Variants in CCAR1 observed in about 807,000 individuals in gnomAD.
CCAR1 encodes the protein cell division cycle and apoptosis regulator protein 1.
CCAR1 carries 78 observed loss-of-function variants against 163.8 expected under a neutral mutation model. The ratio of observed to expected loss-of-function variants is 0.48; its 90% CI spans 0.40 to 0.57. CCAR1 has a LOEUF of 0.57. Ranked by LOEUF, CCAR1 falls within the 20% of genes least tolerant of loss-of-function variation. The pLI is 0.00. For synonymous variants in CCAR1, 443 were observed against 460.7 expected (o/e 0.96, Z 0.49); for missense variants, 1,019 against 1,365.2 (o/e 0.75, Z 4.00).
Position 68,755,466 on chromosome 10 carries a change from G to C in CCAR1, c.1555G>C (p.Val519Leu), listed in dbSNP as rs1439044945. 1 of 1,614,184 alleles carries C rather than the reference G, an allele frequency of 6.2e-7. No homozygotes were observed. The highest frequency in any genetic ancestry group is 8.5e-7 in the Non-Finnish European group (1 of 1,179,988). The change falls in exon 13 of 25, where the codon GTG becomes CTG. Residue 519 changes from valine (V) to leucine (L), a missense_variant. Coordinates refer to ENST00000265872, the MANE Select transcript of CCAR1 (RefSeq NM_018237.4). ...DGPDPEKDPSVLIKTAIRCCK... is the reference protein window; with the variant it reads ...DGPDPEKDPSLLIKTAIRCCK... ...ACCAGACCCAGAAAAAGATCCCTCT[G>C]TGTTGATTAAGACTGCTATTCGTTG...
intron 18 of CCAR1, among the ~76,000 whole-genome samples, chr10:68,771,943 T>C: frequency 6.6e-6 from 1 of 150,416 alleles, no homozygotes; most frequent in South Asian, 2.2e-4. Context: ...TAATCTTGGC[T>C]CACTGCAACC....
intron 15 of CCAR1, chr10:68,760,726 T>C: frequency 5.3e-6 from 1 of 190,428 alleles, no homozygotes; most frequent in Non-Finnish European, 1.1e-5. Context: ...TAGTTGGATG[T>C]GATTGTGCGC....
chr10:68,790,226 G>A (rs1232738194), intron 24 of CCAR1, among the ~76,000 whole-genome samples: 3 of 151,810 alleles, frequency 2.0e-5, no homozygotes, highest in African/African-American at 4.8e-5. Flanking sequence ...ACATGGTGGC[G>A]GGCACCTGTA....
intron 16 of CCAR1, among the ~76,000 whole-genome samples, chr10:68,762,434 A>C (rs1174539263): frequency 6.6e-6 from 1 of 152,200 alleles, no homozygotes; most frequent in Non-Finnish European, 1.5e-5. Flanking sequence ...GTCTACTTCT[A>C]AAACAGTATG....
chr10:68,739,483 A>G (rs916921869), intron 4 of CCAR1, among the ~76,000 whole-genome samples: 3 of 152,030 alleles, frequency 2.0e-5, no homozygotes, highest in Non-Finnish European at 4.4e-5. Context: ...AGGCTTCTCA[A>G]TTCATAACTT....
At chr10:68,760,193 C>T (rs997806670) in intron 15 of CCAR1, among the ~76,000 whole-genome samples, 6 of 152,054 alleles carry the variant, frequency 3.9e-5, no homozygotes, top group East Asian at 1.9e-4. Context: ...AGGTCTCTGT[C>T]GCCGCGGCTG....
In CCAR1 at chr10:68,765,919, A is replaced by G. The variant is rs773399915; in HGVS notation, c.2138A>G (p.Glu713Gly). 1.5e-5 allele frequency: 24 copies of G among 1,613,334 alleles called. No homozygotes were observed. The highest frequency in any genetic ancestry group is 2.0e-5 in the Non-Finnish European group (24 of 1,179,816). The change falls in exon 17 of 25, where the codon GAA becomes GGA. Residue 713 changes from glutamate to glycine, a missense_variant. This residue lies in a region of CCAR1 where 644 missense variants were observed against 904.4 expected (regional missense o/e 0.71). Coordinates refer to ENST00000265872, the MANE Select transcript of CCAR1 (RefSeq NM_018237.4). ...GAAAGGAAACGTCAAGAGGAAATAG[A>G]ACGCCAGCGTCGAGAAAGAAGATAT... ...EEERKRQEEI[E>G]RQRRERRYIL...
At chr10:68,722,705 C>G (rs1366100459) in intron 2 of CCAR1, 128 bp downstream of exon 2, 3 of 670,156 alleles carry the variant, frequency 4.5e-6, no homozygotes, top group Non-Finnish European at 7.8e-6. Context: ...AGGTGGATCA[C>G]GAGGTCAGGA....
chr10:68,745,937 A>G (rs1310062185), intron 6 of CCAR1, among the ~76,000 whole-genome samples: 1 of 151,964 alleles, frequency 6.6e-6, no homozygotes, highest in African/African-American at 2.4e-5. Context: ...GTACCTGGCC[A>G]TCTACTTTTT....
chr10:68,757,414 C>A, intron 15 of CCAR1, 37 bp downstream of exon 15: 2 of 1,218,492 alleles, frequency 1.6e-6, no homozygotes, highest in South Asian at 1.3e-5. Context: ...TTATTTTTTT[C>A]AATTAAAAAG....
At chr10:68,736,752 G>A in intron 2 of CCAR1, 124 bp from the exon 3 acceptor site, 1 of 712,006 alleles carries the variant, frequency 1.4e-6, no homozygotes, top group East Asian at 2.7e-5. Context: ...TCCATATCTT[G>A]ACTATTGTGA....
chr10:68,788,083 TATACTA>T (rs771551250), intron 22 of CCAR1, 36 bp downstream of exon 22: 5 of 1,541,208 alleles, frequency 3.2e-6, no homozygotes, highest in African/African-American at 2.8e-5. Flanking sequence ...TTTTAATAAA[TATACTA>T]GTAATTAAAG....
chr10:68,779,326 C>T (rs962531653), intron 19 of CCAR1, among the ~76,000 whole-genome samples: 3 of 151,488 alleles, frequency 2.0e-5, no homozygotes, highest in East Asian at 1.9e-4. Flanking sequence ...CGCGTGATCT[C>T]GGCTCACTAC....
In CCAR1 at chr10:68,789,882, G is replaced by T; in HGVS notation, c.3360G>T (p.Thr1120=). The change falls in exon 24 of 25, where the codon ACG becomes ACT. Residue 1120 remains threonine (T), a synonymous_variant. Coordinates refer to ENST00000265872, the MANE Select transcript of CCAR1 (RefSeq NM_018237.4). The part of the protein sequence containing the change: ...QMNKTIRNLS[T]VMDEIHTVLK... ...ATAAGACAATCAGAAACTTATCTAC[G>T]GTAATGGATGAAATCCACACTGTTC... 6.3e-7 allele frequency: 1 copy of T among 1,595,496 alleles called. No individual in the cohort carries two copies. The highest frequency in any genetic ancestry group is 1.2e-5 in the South Asian group (1 of 86,314).
At position 68,787,466 on chromosome 10, in the gene CCAR1, TTATAC is replaced by T. The variant is rs1034421995; in HGVS notation, c.2881-459_2881-455del. Reference sequence around the variant, plus strand: ...CCCTGTGCATAAATTTTTATCAATGTTATACTTTTTAACAATGAAGTTTTTTTTTT... The same window carrying T: ...CCCTGTGCATAAATTTTTATCAATGTTTTTTAACAATGAAGTTTTTTTTTT... On this transcript the variant is annotated intron_variant, in intron 21 of 24. Transcript: ENST00000265872. 2.2e-4 allele frequency among the ~76,000 whole-genome samples: 34 copies of T among 152,316 alleles called. 1 individual carries two copies. The highest frequency in any genetic ancestry group is 7.7e-4 in the African/African-American group (32 of 41,566).
At chr10:68,780,403 C>T (rs952309193) in intron 19 of CCAR1, among the ~76,000 whole-genome samples, 3 of 152,170 alleles carry the variant, frequency 2.0e-5, no homozygotes, top group African/African-American at 7.2e-5. Flanking sequence ...CTATGATGCC[C>T]AAGCTGATCT....
intron 17 of CCAR1, among the ~76,000 whole-genome samples, chr10:68,769,126 G>A (rs1055966093): frequency 6.6e-6 from 1 of 152,100 alleles, no homozygotes; most frequent in Admixed American, 6.6e-5. Context: ...ACAGGCGTGT[G>A]CCTACACACC....
At chr10:68,728,186 A>T (rs1465402811) in intron 2 of CCAR1, among the ~76,000 whole-genome samples, 2 of 152,170 alleles carry the variant, frequency 1.3e-5, no homozygotes, top group Non-Finnish European at 1.5e-5. Context: ...TTGATGAAAA[A>T]TATTTACATG....
chr10:68,740,428 T>C (rs1333162545), intron 4 of CCAR1, among the ~76,000 whole-genome samples: 1 of 152,188 alleles, frequency 6.6e-6, no homozygotes, highest in Non-Finnish European at 1.5e-5. Context: ...ACTGTCACTT[T>C]GGGAGGCCAA....
Sources: allele counts gnomAD v4.1 joint callset (sites outside exome capture counted in the v4.1 genomes callset), GRCh38; gene constraint gnomAD v4.1.1; regional missense constraint gnomAD v4.1.1; transcripts MANE v1.5; gene names NCBI Gene and HGNC (gene_info 2026-07-23, HGNC 2026-07-21).